Variants in ATXN7L1 observed in about 807,000 individuals in gnomAD.
The protein encoded by ATXN7L1 is ataxin-7-like protein 1.
Under a neutral mutation model 70.8 loss-of-function variants are expected in ATXN7L1, and 15 were observed. That is an observed-to-expected ratio of 0.21 (90% CI 0.14 to 0.33). The LOEUF is 0.33. Ranked by LOEUF, ATXN7L1 falls within the 10% of genes least tolerant of loss-of-function variation. The probability of loss-of-function intolerance (pLI) is 1.00; values close to 1 mark genes in which losing one functional copy is unlikely to be tolerated. For synonymous variants in ATXN7L1, 440 were observed against 445.1 expected, an observed-to-expected ratio of 0.99 and a Z score of 0.14; for missense variants, 975 against 1,097.1, an observed-to-expected ratio of 0.89 and a Z score of 1.57.
intron 7 of ATXN7L1, among the ~76,000 whole-genome samples, chr7:105,635,482 A>C (rs778985403): frequency 1.3e-5 from 2 of 152,104 alleles, no homozygotes; most frequent in Non-Finnish European, 2.9e-5. Context: ...ACTGCTTCTT[A>C]TGTGCTTGGT....
intron 8 of ATXN7L1, among the ~76,000 whole-genome samples, chr7:105,623,421 G>A (rs1376988888): frequency 6.6e-6 from 1 of 152,182 alleles, no homozygotes; most frequent in African/African-American, 2.4e-5. Context: ...CCTCCTGTGA[G>A]GTGGGAAACT....
intron 7 of ATXN7L1, among the ~76,000 whole-genome samples, chr7:105,629,707 G>A (rs1467474346): frequency 1.3e-5 from 2 of 151,560 alleles, no homozygotes; most frequent in Admixed American, 1.3e-4. Context: ...TAGTAGAGAT[G>A]GGATTAAGCC....
chr7:105,841,943 G>A (rs1813275656), intron 2 of ATXN7L1, among the ~76,000 whole-genome samples: 1 of 152,164 alleles, frequency 6.6e-6, no homozygotes, highest in African/African-American at 2.4e-5. Flanking sequence ...AGCATTCTTA[G>A]AGAAAGATCT....
At chr7:105,708,403 T>G (rs1793448476) in intron 3 of ATXN7L1, among the ~76,000 whole-genome samples, 1 of 152,226 alleles carries the variant, frequency 6.6e-6, no homozygotes, top group African/African-American at 2.4e-5. Flanking sequence ...CCTCTCCAAG[T>G]TGAGTGGGCC....
intron 3 of ATXN7L1, among the ~76,000 whole-genome samples, chr7:105,748,109 T>G (rs911060148): frequency 8.5e-5 from 8 of 94,620 alleles, no homozygotes. Context: ...CGAGCAAAAC[T>G]CCATCTCAAA....
At chr7:105,642,191 C>T (rs889413816) in intron 5 of ATXN7L1, among the ~76,000 whole-genome samples, 3 of 152,198 alleles carry the variant, frequency 2.0e-5, no homozygotes, top group African/African-American at 7.2e-5. Flanking sequence ...CTGTGTGCCT[C>T]TTCTGGCACC....
intron 2 of ATXN7L1, among the ~76,000 whole-genome samples, 186 bp downstream of exon 2, chr7:105,875,626 T>G (rs62482807): frequency 1.7e-5 from 1 of 59,586 alleles, no homozygotes; most frequent in African/African-American, 7.0e-5. Context: ...CACCCCCCTT[T>G]ACCCCCCCCC....
chr7:105,629,515 CTTAT>C (rs1440411344), intron 7 of ATXN7L1, among the ~76,000 whole-genome samples: 6 of 147,554 alleles, frequency 4.1e-5, no homozygotes, highest in Admixed American at 1.4e-4. Context: ...ATTATTGTTA[CTTAT>C]TTATTTTTTT....
intron 3 of ATXN7L1, among the ~76,000 whole-genome samples, chr7:105,780,621 GT>G (rs1216687867): frequency 2.0e-5 from 3 of 151,882 alleles, no homozygotes; most frequent in African/African-American, 7.3e-5. Flanking sequence ...GTGTGCAGCC[GT>G]ATGGCCTTCT....
rs976831450 is a variant in ATXN7L1 at position 105,662,058 on chromosome 7, C to T, written c.578+3008G>A. On this transcript the variant is annotated intron_variant, in intron 4 of 11. Coordinates refer to ENST00000419735, the MANE Select transcript of ATXN7L1 (RefSeq NM_020725.2). ...TCCTTCCTTCCTTCCTTCCTTCCTT[C>T]CTTCCTTCCTTCCTTCCTTCCTTCT... is the stretch of plus-strand genomic sequence containing the variant. Among the ~76,000 whole-genome samples the T allele has an allele frequency of 1.0e-4, 9 of 88,586 alleles. No homozygotes were observed. In the East Asian group the frequency reaches 4.2e-3, roughly 41 times the overall value. The allele number at this position is 88,586 out of a possible 152,430, so 58.1% of individuals were successfully genotyped here. A position where few individuals can be genotyped will look rare whatever the true frequency, so the allele number is the denominator to read the frequency against.
At chr7:105,643,975 G>C (rs1051222293) in intron 4 of ATXN7L1, among the ~76,000 whole-genome samples, 2 of 152,198 alleles carry the variant, frequency 1.3e-5, no homozygotes, top group Non-Finnish European at 2.9e-5. Context: ...CTTAAAAGAT[G>C]AGATGAATAA....
chr7:105,634,332 C>T (rs1222125770), intron 7 of ATXN7L1, among the ~76,000 whole-genome samples: 1 of 152,188 alleles, frequency 6.6e-6, no homozygotes, highest in Non-Finnish European at 1.5e-5. Context: ...CACCTTACCA[C>T]TTTGAGGAAG....
chr7:105,647,235 A>G (rs957622940), intron 4 of ATXN7L1, among the ~76,000 whole-genome samples: 6 of 152,360 alleles, frequency 3.9e-5, no homozygotes, highest in Non-Finnish European at 8.8e-5. Context: ...GAGTTAACAT[A>G]ACGCCTCTAG....
At chr7:105,870,815 A>C (rs1166092883) in intron 2 of ATXN7L1, among the ~76,000 whole-genome samples, 3 of 152,198 alleles carry the variant, frequency 2.0e-5, no homozygotes, top group Non-Finnish European at 4.4e-5. Context: ...GGTTTCTGGG[A>C]GTCCTCCTCT....
chr7:105,656,418 G>A (rs898181639), intron 4 of ATXN7L1, among the ~76,000 whole-genome samples: 2 of 152,326 alleles, frequency 1.3e-5, no homozygotes, highest in South Asian at 2.1e-4. Flanking sequence ...CCACAGGGGT[G>A]GTCCCCACTG....
In ATXN7L1 at chr7:105,667,522, A is replaced by AC. The variant is rs1377964253; in HGVS notation, c.356-2235dup. On this transcript the variant is annotated intron_variant, in intron 3 of 11. Coordinates refer to ENST00000419735, the MANE Select transcript of ATXN7L1 (RefSeq NM_020725.2). ...AGACCATCCCGGCTAAAATGGTGAA[A>AC]CCCCGTCTCTACTAAAAATACAAAA... Among the ~76,000 whole-genome samples the AC allele has an allele frequency of 5.6e-5, 6 of 107,676 alleles. 1 individual carries two copies. The highest frequency in any genetic ancestry group is 1.7e-4 in the African/African-American group (6 of 34,706). 70.6% of individuals were successfully genotyped at this position (107,676 alleles called of 152,430 possible).
intron 2 of ATXN7L1, among the ~76,000 whole-genome samples, chr7:105,810,787 G>A (rs1253961349): frequency 6.6e-6 from 1 of 152,270 alleles, no homozygotes; most frequent in Non-Finnish European, 1.5e-5. Flanking sequence ...GGGAAGCTAT[G>A]CAGGCTTTTG....
intron 3 of ATXN7L1, among the ~76,000 whole-genome samples, chr7:105,666,577 G>C (rs1393474465): frequency 2.0e-5 from 3 of 152,214 alleles, no homozygotes; most frequent in African/African-American, 7.2e-5. Context: ...GTACCAATGG[G>C]TTGCCAGGCT....
intron 3 of ATXN7L1, chr7:105,678,092 CTTT>C (rs66850827): frequency 3.1e-3 from 1,609 of 517,888 alleles, no homozygotes; most frequent in Middle Eastern, 6.1e-3. Flanking sequence ...CAGACACATA[CTTT>C]TTTTTTTTTT....
Sources: allele counts gnomAD v4.1 joint callset (sites outside exome capture counted in the v4.1 genomes callset), GRCh38; gene constraint gnomAD v4.1.1; transcripts MANE v1.5; gene names NCBI Gene and HGNC (gene_info 2026-07-23, HGNC 2026-07-21).